CELF4: variants seen among roughly 807,000 people sequenced by gnomAD.
The protein encoded by CELF4 is CUGBP Elav-like family member 4, also known as CUG-BP- and ETR-3-like factor 4.
Under a neutral mutation model 59.9 loss-of-function variants are expected in CELF4, and 18 were observed. The ratio of observed to expected loss-of-function variants is 0.30; its 90% CI spans 0.21 to 0.45. CELF4 has a LOEUF of 0.45. Among genes scored for constraint, CELF4 ranks in the 20% least tolerant of loss-of-function variants. CELF4 has a pLI of 1.00. For synonymous variants in CELF4, 261 were observed against 267.1 expected (o/e 0.98, Z 0.22); for missense variants, 456 against 689.0 (o/e 0.66, Z 3.79).
Position 37,485,528 on chromosome 18 carries a change from G to A in CELF4, c.366C>T (p.Pro122=), listed in dbSNP as rs752571983. Residue 122 remains proline (P), a synonymous_variant, in exon 2 of 13, where the codon CCC becomes CCT. Coordinates refer to ENST00000420428, the MANE Select transcript of CELF4 (RefSeq NM_020180.4). ...CGCCACGGCGGGCGCCACTTACCCC[G>A]GGCAGAGTCTTCTGCTCGTGCAGCG... ...QSALHEQKTL[P]GMNRPIQVKP... 2 of 1,336,112 alleles carry A rather than the reference G, an allele frequency of 1.5e-6. No homozygotes were observed. The highest frequency in any genetic ancestry group is 3.5e-5 in the South Asian group (2 of 56,594). The allele number at this position is 1,336,112 out of a possible 1,614,324, so 82.8% of individuals were successfully genotyped here.
chr18:37,466,577 T>C (rs1240781155), intron 2 of CELF4, among the ~76,000 whole-genome samples: 1 of 152,196 alleles, frequency 6.6e-6, no homozygotes, highest in African/African-American at 2.4e-5. Context: ...AGGGTTCATG[T>C]ACCCATGCAG....
At chr18:37,256,071 T>C (rs1408791899) in intron 11 of CELF4, among the ~76,000 whole-genome samples, 1 of 152,220 alleles carries the variant, frequency 6.6e-6, no homozygotes, top group Non-Finnish European at 1.5e-5. Flanking sequence ...CCCTGCAGAC[T>C]GGAGGCCCCT....
intron 2 of CELF4, among the ~76,000 whole-genome samples, chr18:37,365,849 T>A (rs1047308846): frequency 6.6e-6 from 1 of 152,132 alleles, no homozygotes; most frequent in East Asian, 1.9e-4. Context: ...TGAAAGATGA[T>A]GGACATAGTA....
intron 2 of CELF4, among the ~76,000 whole-genome samples, chr18:37,454,461 T>TA (rs1423490295): frequency 2.0e-5 from 3 of 152,182 alleles, no homozygotes; most frequent in Non-Finnish European, 4.4e-5. Context: ...CCTTTACAGG[T>TA]AGCCCCCACA....
chr18:37,467,004 G>A (rs2099810747), intron 2 of CELF4, among the ~76,000 whole-genome samples: 1 of 152,198 alleles, frequency 6.6e-6, no homozygotes, highest in Non-Finnish European at 1.5e-5. Context: ...CCTGAGGTCA[G>A]AGTGGGAGGC....
intron 2 of CELF4, among the ~76,000 whole-genome samples, chr18:37,465,620 A>G (rs1259759594): frequency 6.6e-6 from 1 of 152,176 alleles, no homozygotes; most frequent in South Asian, 2.1e-4. Context: ...CAGAGCTGGG[A>G]TGGCTCTGTG....
intron 8 of CELF4, among the ~76,000 whole-genome samples, chr18:37,270,249 A>G (rs1425356858): frequency 2.0e-5 from 3 of 152,222 alleles, no homozygotes; most frequent in African/African-American, 7.2e-5. Context: ...TGACCTGTCC[A>G]TGGTGCTGAT....
At chr18:37,341,889 G>A (rs564128675) in intron 2 of CELF4, among the ~76,000 whole-genome samples, 5 of 152,254 alleles carry the variant, frequency 3.3e-5, no homozygotes, top group African/African-American at 1.2e-4. Context: ...CCTCCTCCAG[G>A]AAGTCTCTCC....
chr18:37,404,132 G>T (rs1444346250), intron 2 of CELF4, among the ~76,000 whole-genome samples: 5 of 152,192 alleles, frequency 3.3e-5, no homozygotes, highest in Non-Finnish European at 7.3e-5. Flanking sequence ...CAGCCCCATG[G>T]GCAGGCCTGA....
chr18:37,420,323 G>A (rs2154593638), intron 2 of CELF4, among the ~76,000 whole-genome samples: 1 of 152,370 alleles, frequency 6.6e-6, no homozygotes, highest in Admixed American at 6.5e-5. Flanking sequence ...GAATGTCTCA[G>A]CACCTTGGTT....
intron 1 of CELF4, among the ~76,000 whole-genome samples, chr18:37,538,109 C>T (rs921601076): frequency 9.9e-5 from 15 of 152,236 alleles, no homozygotes; most frequent in South Asian, 4.1e-4. Flanking sequence ...ATCGGGCGGA[C>T]CTTCCGGGAG....
chr18:37,348,194 A>G (rs1049762307), intron 2 of CELF4, among the ~76,000 whole-genome samples: 1 of 151,816 alleles, frequency 6.6e-6, no homozygotes, highest in Non-Finnish European at 1.5e-5. Context: ...CACAGAGATC[A>G]GTTACTATTT....
chr18:37,467,522 A>C (rs2154602407), intron 2 of CELF4, among the ~76,000 whole-genome samples: 1 of 152,250 alleles, frequency 6.6e-6, no homozygotes, highest in South Asian at 2.1e-4. Flanking sequence ...GACCAGGCTG[A>C]GGATGAGGTG....
At chr18:37,285,025 A>G (rs910200807) in intron 3 of CELF4, among the ~76,000 whole-genome samples, 2 of 152,076 alleles carry the variant, frequency 1.3e-5, no homozygotes, top group Admixed American at 1.3e-4. Context: ...CTCTGCACAG[A>G]CCACTGGCAA....
At chr18:37,275,541 C>T (rs2093026498) in intron 3 of CELF4, 1 of 415,536 alleles carries the variant, frequency 2.4e-6, no homozygotes, top group Non-Finnish European at 4.5e-6. Flanking sequence ...GCCTGCAGGG[C>T]AGGCTGCACC....
At chr18:37,319,460 C>T (rs1569561026) in intron 3 of CELF4, among the ~76,000 whole-genome samples, 3 of 152,210 alleles carry the variant, frequency 2.0e-5, no homozygotes, top group Non-Finnish European at 2.9e-5. Context: ...AAGACACCAG[C>T]CCAAGCCCTA....
chr18:37,422,155 A>G (rs731890), intron 2 of CELF4, among the ~76,000 whole-genome samples: 39,522 of 152,138 alleles, frequency 0.26, 5,481 homozygotes, highest in Non-Finnish European at 0.31. Context: ...GAGATCACAG[A>G]AGAGGCCAGG....
chr18:37,328,189 A>G (rs867258050), intron 2 of CELF4, among the ~76,000 whole-genome samples: 3 of 152,210 alleles, frequency 2.0e-5, no homozygotes, highest in African/African-American at 7.2e-5. Flanking sequence ...GATTAGTGCT[A>G]TGTGACATCA....
intron 2 of CELF4, among the ~76,000 whole-genome samples, chr18:37,353,445 G>A (rs2098501510): frequency 6.6e-6 from 1 of 151,358 alleles, no homozygotes; most frequent in Admixed American, 6.6e-5. Context: ...TGTGGGGGAA[G>A]GGGAGGTTGG....
Sources: gnomAD v4.1 joint callset for allele counts (sites outside exome capture counted in the v4.1 genomes callset) on GRCh38, gnomAD v4.1.1 for gene constraint, MANE v1.5 for transcripts, NCBI Gene and HGNC (gene_info 2026-07-23, HGNC 2026-07-21) for gene names.